The following ARFGAP3 variants were observed in gnomAD, a reference collection of about 807,000 sequenced individuals.
ARFGAP3 encodes ADP-ribosylation factor GTPase-activating protein 3.
ARFGAP3 carries 72 observed loss-of-function variants against 75.0 expected under a neutral mutation model. That is an observed-to-expected ratio of 0.96 (90% CI 0.79 to 1.17). The LOEUF (loss-of-function observed/expected upper bound fraction) is 1.17, where lower values mean the gene tolerates loss of function less well. Ranked by LOEUF, ARFGAP3 falls within the 50% of genes most tolerant of loss-of-function variation. The probability of loss-of-function intolerance (pLI) is 0.00; values close to 1 mark genes in which losing one functional copy is unlikely to be tolerated. For missense variants in ARFGAP3, 620 were observed against 626.6 expected (o/e 0.99, Z 0.11); for synonymous variants, 221 against 217.9 (o/e 1.01, Z -0.13).
intron 13 of ARFGAP3, 57 bp downstream of exon 13, chr22:42,808,710 C>T (rs974194248): frequency 4.9e-6 from 7 of 1,431,814 alleles, no homozygotes; most frequent in Non-Finnish European, 6.8e-6. Context: ...ACAATGCCCA[C>T]ACCCACACTT....
In ARFGAP3 at chr22:42,807,171, A is replaced by T; in HGVS notation, c.1321-8T>A. 1 of 1,603,374 alleles carries T rather than the reference A, an allele frequency of 6.2e-7. No homozygotes were observed. Among genetic ancestry groups the T allele is most frequent in the Non-Finnish European group, 8.5e-7 (1 of 1,175,652 alleles). ...GCGGGCCCTGGTCTCATACTAGAGA[A>T]GACAAGGAAAAGGAAATGTTAGGCT... On this transcript the variant is annotated splice_region_variant and splice_polypyrimidine_tract_variant and intron_variant, in intron 13 of 15. Coordinates refer to ENST00000263245, the MANE Select transcript of ARFGAP3 (RefSeq NM_014570.5).
At chr22:42,811,526 CGT>C (rs1925367444) in intron 11 of ARFGAP3, among the ~76,000 whole-genome samples, 1 of 152,186 alleles carries the variant, frequency 6.6e-6, no homozygotes, top group Non-Finnish European at 1.5e-5. Context: ...CAATCCCTTC[CGT>C]GTTAAGCACA....
chr22:42,837,675 C>CTTTTTTT (rs71186547), intron 3 of ARFGAP3, among the ~76,000 whole-genome samples: 1,422 of 75,598 alleles, frequency 0.019, 36 homozygotes, highest in Non-Finnish European at 0.022. Context: ...AGGCATACTT[C>CTTTTTTT]TTTTTTTTTT....
Position 42,799,053 on chromosome 22 carries a change from C to A in ARFGAP3, c.1519G>T (p.Val507Leu). The change falls in exon 15 of 16, where the codon GTG becomes TTG. Residue 507 changes from valine to leucine, a missense_variant. By Grantham distance (32) the Val-to-Leu change is conservative. Coordinates refer to ENST00000263245, the MANE Select transcript of ARFGAP3 (RefSeq NM_014570.5). ...GKLSVFANGV[V>L]TSIQDRYGS Reference sequence around the variant, plus strand: ...ATTCCACTGACCTGAATTGAAGTCACGACTCCATTAGCAAAGACGGAGAGT... The same window carrying A: ...ATTCCACTGACCTGAATTGAAGTCAAGACTCCATTAGCAAAGACGGAGAGT... 1 of 1,614,136 alleles carries A rather than the reference C, an allele frequency of 6.2e-7. No homozygotes were observed. Among genetic ancestry groups the A allele is most frequent in the Non-Finnish European group, 8.5e-7 (1 of 1,180,016 alleles).
At chr22:42,834,108 T>C in intron 5 of ARFGAP3, 134 bp downstream of exon 5, 1 of 798,072 alleles carries the variant, frequency 1.3e-6, no homozygotes, top group South Asian at 1.8e-5. Flanking sequence ...ATAATGTCAT[T>C]TCTCTCTTCA....
intron 3 of ARFGAP3, among the ~76,000 whole-genome samples, chr22:42,837,070 T>C (rs1251269951): frequency 6.6e-6 from 1 of 152,176 alleles, no homozygotes; most frequent in Non-Finnish European, 1.5e-5. Context: ...CTCTGCAACC[T>C]TGGGAAGGCT....
intron 3 of ARFGAP3, among the ~76,000 whole-genome samples, chr22:42,839,493 G>T (rs1926683867): frequency 6.6e-6 from 1 of 151,554 alleles, no homozygotes. Context: ...AGCTACTCAG[G>T]AGGCTGAGGC....
At chr22:42,855,442 T>G (rs190531398) in intron 1 of ARFGAP3, among the ~76,000 whole-genome samples, 72 of 152,068 alleles carry the variant, frequency 4.7e-4, no homozygotes, top group African/African-American at 1.7e-3. Flanking sequence ...TCCCAGCACT[T>G]CAGGAGGCCG....
At chr22:42,844,018 A>G (rs1926897954) in intron 2 of ARFGAP3, among the ~76,000 whole-genome samples, 1 of 152,224 alleles carries the variant, frequency 6.6e-6, no homozygotes, top group Non-Finnish European at 1.5e-5. Flanking sequence ...AGTTAAAGAA[A>G]AAAAACTCCA....
intron 2 of ARFGAP3, among the ~76,000 whole-genome samples, chr22:42,844,835 G>C (rs761515796): frequency 6.6e-6 from 1 of 152,126 alleles, no homozygotes; most frequent in Non-Finnish European, 1.5e-5. Context: ...CTGCCCTAAG[G>C]TTGTATCATG....
rs752479406 is a variant in ARFGAP3 at position 42,817,122 on chromosome 22, G to A, written c.1064+20C>T. On this transcript the variant is annotated intron_variant, in intron 11 of 15. Transcript: ENST00000263245. ...CTGCTTTTCAAAATGACACTTCAACGATGATTTGTAATACAGTACCTTGAG... is the reference window on the plus strand; with the variant it reads ...CTGCTTTTCAAAATGACACTTCAACAATGATTTGTAATACAGTACCTTGAG... The A allele has an allele frequency of 3.9e-6, 6 of 1,525,128 alleles. No homozygotes were observed. The highest frequency in any genetic ancestry group is 1.1e-5 in the South Asian group (1 of 88,886). 94.5% of individuals were successfully genotyped at this position (1,525,128 alleles called of 1,614,324 possible).
chr22:42,814,483 G>C (rs1178241119), intron 11 of ARFGAP3, among the ~76,000 whole-genome samples: 1 of 152,198 alleles, frequency 6.6e-6, no homozygotes, highest in African/African-American at 2.4e-5. Context: ...ATATAAATAT[G>C]CCATCTGCTC....
chr22:42,836,498 C>T (rs779591967), intron 3 of ARFGAP3, among the ~76,000 whole-genome samples: 3 of 152,084 alleles, frequency 2.0e-5, no homozygotes, highest in Non-Finnish European at 4.4e-5. Flanking sequence ...TAGTGAGGAG[C>T]TACATTAATG....
At chr22:42,845,787 C>T (rs1031788814) in intron 2 of ARFGAP3, among the ~76,000 whole-genome samples, 1 of 152,040 alleles carries the variant, frequency 6.6e-6, no homozygotes, top group African/African-American at 2.4e-5. Context: ...CGCCCGTAAT[C>T]CCAACACTTT....
At chr22:42,812,272 C>T (rs1037235868) in intron 11 of ARFGAP3, among the ~76,000 whole-genome samples, 5 of 148,260 alleles carry the variant, frequency 3.4e-5, no homozygotes, top group East Asian at 2.0e-4. Flanking sequence ...CCAGAATTCA[C>T]GATAGCTTAG....
intron 14 of ARFGAP3, among the ~76,000 whole-genome samples, chr22:42,803,967 G>A (rs1485263679): frequency 1.4e-5 from 2 of 138,410 alleles, no homozygotes; most frequent in Non-Finnish European, 3.0e-5. Context: ...GCAGTGGCAC[G>A]ATCTCAGATC....
At chr22:42,800,692 G>A (rs902655002) in intron 14 of ARFGAP3, among the ~76,000 whole-genome samples, 11 of 152,308 alleles carry the variant, frequency 7.2e-5, no homozygotes, top group African/African-American at 2.6e-4. Context: ...ACCTCCAGCT[G>A]ACTGTCTAAA....
rs200473327 is a variant in ARFGAP3 at position 42,827,007 on chromosome 22, T to C, written c.566-8A>G. On this transcript the variant is annotated splice_region_variant and splice_polypyrimidine_tract_variant and intron_variant, in intron 6 of 15. Transcript: ENST00000263245. ...GTCCTTGCTCTTGTCCACCTGAAAA[T>C]TCAAAACATTGATATTAGCGCAGAA... 16 of 1,612,858 alleles carry C rather than the reference T, an allele frequency of 9.9e-6. No homozygotes were observed. The highest frequency in any genetic ancestry group is 1.4e-5 in the Non-Finnish European group (16 of 1,179,770).
At position 42,799,053 on chromosome 22, in the gene ARFGAP3, C is replaced by T. The variant is rs370657982; in HGVS notation, c.1519G>A (p.Val507Met). The change falls in exon 15 of 16, where the codon GTG (valine) becomes ATG (methionine). Residue 507 changes from valine (V) to methionine (M), a missense_variant. By Grantham distance (21) the Val-to-Met change is conservative. Coordinates refer to ENST00000263245, the MANE Select transcript of ARFGAP3 (RefSeq NM_014570.5). ...GKLSVFANGV[V>M]TSIQDRYGS ...ATTCCACTGACCTGAATTGAAGTCA[C>T]GACTCCATTAGCAAAGACGGAGAGT... is the stretch of plus-strand genomic sequence containing the variant. 72 of 1,614,018 alleles carry T rather than the reference C, an allele frequency of 4.5e-5. No individual in the cohort carries two copies. Among genetic ancestry groups the T allele is most frequent in the Non-Finnish European group, 1.7e-5 (20 of 1,180,024 alleles).
Sources: gnomAD v4.1 joint callset for allele counts (sites outside exome capture counted in the v4.1 genomes callset) on GRCh38, gnomAD v4.1.1 for gene constraint, MANE v1.5 for transcripts, NCBI Gene and HGNC (gene_info 2026-07-23, HGNC 2026-07-21) for gene names.